The following CLASP1 variants were observed in gnomAD, a reference collection of about 807,000 sequenced individuals.
CLASP1 encodes the protein cytoplasmic linker associated protein 1, also known as CLIP-associating protein 1.
Under a neutral mutation model 192.3 loss-of-function variants are expected in CLASP1, and 38 were observed. The ratio of observed to expected loss-of-function variants is 0.20; its 90% CI spans 0.15 to 0.26. CLASP1 has a LOEUF of 0.26. Ranked by LOEUF, CLASP1 falls within the 10% of genes least tolerant of loss-of-function variation. The probability of loss-of-function intolerance (pLI) is 1.00; values close to 1 mark genes in which losing one functional copy is unlikely to be tolerated. For synonymous variants in CLASP1, 691 were observed against 712.8 expected (o/e 0.97, Z 0.49); for missense variants, 1,433 against 1,932.5 (o/e 0.74, Z 4.85).
rs557641260 is a variant in CLASP1, at chr2:121,495,317, C to T, written c.712+7850G>A. The stretch of plus-strand genomic sequence containing the variant: ...CAGCCTGGGCGACAGAGCTGGACTC[C>T]GTCTCTAAAACATAAATAAATAAAA... On this transcript the variant is annotated intron_variant, in intron 8 of 39. Transcript: ENST00000263710. 3.0e-3 allele frequency among the ~76,000 whole-genome samples: 309 copies of T among 102,900 alleles called. 1 individual carries two copies. Among genetic ancestry groups the T allele is most frequent in the African/African-American group, 0.019 (246 of 13,250 alleles). 67.5% of individuals were successfully genotyped at this position (102,900 alleles called of 152,430 possible).
At chr2:121,531,214 T>C (rs1575730861) in intron 2 of CLASP1, among the ~76,000 whole-genome samples, 1 of 152,168 alleles carries the variant, frequency 6.6e-6, no homozygotes, top group Non-Finnish European at 1.5e-5. Flanking sequence ...TCAACTGTTC[T>C]GTAACTTCCT....
chr2:121,359,461 T>A (rs1277332892), intron 37 of CLASP1, among the ~76,000 whole-genome samples: 1 of 152,180 alleles, frequency 6.6e-6, no homozygotes, highest in African/African-American at 2.4e-5. Flanking sequence ...CTCTTTTTAA[T>A]CACCAAAGGA....
At chr2:121,497,815 G>A (rs1460904217) in intron 8 of CLASP1, among the ~76,000 whole-genome samples, 1 of 152,020 alleles carries the variant, frequency 6.6e-6, no homozygotes, top group Non-Finnish European at 1.5e-5. Flanking sequence ...CACCTCCCAG[G>A]TTCAAGCGAT....
intron 36 of CLASP1, among the ~76,000 whole-genome samples, chr2:121,363,826 G>C (rs1291674566): frequency 6.6e-6 from 1 of 152,122 alleles, no homozygotes; most frequent in South Asian, 2.1e-4. Context: ...CCTCGAGTTG[G>C]TTAAGGCCAG....
intron 8 of CLASP1, among the ~76,000 whole-genome samples, chr2:121,500,427 GAGAAA>G (rs1367822187): frequency 4.8e-5 from 7 of 146,860 alleles, no homozygotes; most frequent in South Asian, 2.2e-4. Flanking sequence ...AAAAAGAAAA[GAGAAA>G]AGAAAAGAGG....
chr2:121,348,239 T>C (rs1008639549), intron 38 of CLASP1, among the ~76,000 whole-genome samples: 9 of 152,120 alleles, frequency 5.9e-5, no homozygotes, highest in Non-Finnish European at 1.3e-4. Context: ...GTTGAAAGAA[T>C]GGACAAAAAA....
chr2:121,516,242 A>T (rs2094289360), intron 6 of CLASP1, among the ~76,000 whole-genome samples: 1 of 152,232 alleles, frequency 6.6e-6, no homozygotes, highest in Non-Finnish European at 1.5e-5. Context: ...GGAGATTTTT[A>T]AAAAGTCCTA....
intron 23 of CLASP1, among the ~76,000 whole-genome samples, chr2:121,417,048 G>A (rs916426862): frequency 1.6e-4 from 24 of 152,200 alleles, no homozygotes; most frequent in African/African-American, 5.1e-4. Context: ...AACAGAAGAC[G>A]TGCTGATGCT....
intron 37 of CLASP1, among the ~76,000 whole-genome samples, chr2:121,360,572 A>G (rs1434418749): frequency 6.6e-6 from 1 of 151,250 alleles, no homozygotes; most frequent in Non-Finnish European, 1.5e-5. Flanking sequence ...TTAAAATAAG[A>G]GGAAGATAAG....
rs1322048778 is a variant in CLASP1 at position 121,371,536 on chromosome 2, GA to G, written c.3643-3706del. Among the ~76,000 whole-genome samples the G allele has an allele frequency of 2.0e-5, 3 of 152,092 alleles. No homozygotes were observed. In the East Asian group the frequency reaches 5.8e-4, roughly 29 times the overall value. ...TTGCAGGCGTGAGCCACCATAATTG[GA>G]AAAAGTAACCCCTCACGCATCCATC... is the stretch of plus-strand genomic sequence containing the variant. On this transcript the variant is annotated intron_variant, in intron 34 of 39. Coordinates refer to ENST00000263710, the Ensembl canonical transcript of CLASP1.
chr2:121,393,805 T>C (rs1042586234), intron 30 of CLASP1, among the ~76,000 whole-genome samples: 17 of 152,028 alleles, frequency 1.1e-4, no homozygotes, highest in Non-Finnish European at 2.2e-4. Flanking sequence ...AAAGTAATGC[T>C]TTACTAGTTA....
At chr2:121,607,384 C>T (rs78381859) in intron 1 of CLASP1, among the ~76,000 whole-genome samples, 5,324 of 152,230 alleles carry the variant, frequency 0.035, 156 homozygotes, top group East Asian at 0.14. Flanking sequence ...CAGTTATTGA[C>T]ACAGTATTCT....
intron 2 of CLASP1, among the ~76,000 whole-genome samples, chr2:121,571,070 T>A (rs1443818557): frequency 6.6e-6 from 1 of 152,070 alleles, no homozygotes; most frequent in African/African-American, 2.4e-5. Context: ...TTCTGTTTTT[T>A]TAATGACAAG....
intron 19 of CLASP1, among the ~76,000 whole-genome samples, chr2:121,446,442 T>C (rs1468814239): frequency 2.0e-5 from 3 of 152,208 alleles, no homozygotes; most frequent in African/African-American, 7.2e-5. Flanking sequence ...TCAAAACATT[T>C]TCAGAACATT....
intron 9 of CLASP1, 62 bp downstream of exon 9, chr2:121,469,746 C>A: frequency 1.3e-6 from 2 of 1,517,250 alleles, no homozygotes; most frequent in Admixed American, 2.1e-5. Context: ...CAAGTACGTG[C>A]ACCTCTGGTT....
chr2:121,467,573 T>C (rs1276811136), intron 9 of CLASP1, among the ~76,000 whole-genome samples: 2 of 152,354 alleles, frequency 1.3e-5, no homozygotes, highest in Middle Eastern at 3.4e-3. Context: ...GAGCTTTTTT[T>C]CATGTTTGTT....
intron 8 of CLASP1, chr2:121,470,320 T>G (rs1483915999): frequency 2.2e-6 from 1 of 460,876 alleles, no homozygotes; most frequent in South Asian, 1.6e-5. Flanking sequence ...TTTTTTTTTT[T>G]GAAGACAGAG....
At chr2:121,426,812 T>C (rs1024161366) in intron 21 of CLASP1, among the ~76,000 whole-genome samples, 2 of 152,062 alleles carry the variant, frequency 1.3e-5, no homozygotes, top group African/African-American at 4.8e-5. Flanking sequence ...TAATTCTCTC[T>C]CAGAGGAAAC....
intron 5 of CLASP1, among the ~76,000 whole-genome samples, chr2:121,526,859 T>C (rs943006347): frequency 9.9e-5 from 15 of 152,084 alleles, no homozygotes; most frequent in Non-Finnish European, 2.1e-4. Flanking sequence ...TTAAAAAGCC[T>C]CTCCTACAAA....
Sources: allele counts gnomAD v4.1 joint callset (sites outside exome capture counted in the v4.1 genomes callset), GRCh38; gene constraint gnomAD v4.1.1; transcripts MANE v1.5; gene names NCBI Gene and HGNC (gene_info 2026-07-23, HGNC 2026-07-21).